The following PTPRN2 variants were observed in gnomAD, a reference collection of about 807,000 sequenced individuals.
PTPRN2 encodes receptor-type tyrosine-protein phosphatase N2.
In PTPRN2, 74 loss-of-function variants were observed where a neutral mutation model predicts 118.8. The ratio of observed to expected loss-of-function variants is 0.62; its 90% CI spans 0.52 to 0.76. The LOEUF is 0.76. Ranked by LOEUF, PTPRN2 falls within the 30% of genes least tolerant of loss-of-function variation. The pLI is 0.00. For synonymous variants in PTPRN2, 641 were observed against 608.0 expected, an observed-to-expected ratio of 1.05 and a Z score of -0.80; for missense variants, 1,481 against 1,394.4, an observed-to-expected ratio of 1.06 and a Z score of -0.99.
intron 12 of PTPRN2, among the ~76,000 whole-genome samples, chr7:157,772,290 AACAC>A (rs1321729706): frequency 1.6e-5 from 2 of 121,416 alleles, no homozygotes; most frequent in Admixed American, 7.8e-5. Context: ...CAGACACACA[AACAC>A]ACAGACATAC....
chr7:158,577,565 G>A (rs1012622319), intron 1 of PTPRN2, among the ~76,000 whole-genome samples: 7 of 126,530 alleles, frequency 5.5e-5, no homozygotes, highest in African/African-American at 1.6e-4. Context: ...CAGCCCTCCC[G>A]AATGCCACAG....
In PTPRN2 at chr7:157,596,441, T is replaced by C. The variant is rs1801344987; in HGVS notation, c.2419-1126A>G. Among the ~76,000 whole-genome samples, 1 of 152,198 alleles carries C rather than the reference T, an allele frequency of 6.6e-6. No homozygotes were observed. The highest frequency in any genetic ancestry group is 2.1e-4 in the South Asian group (1 of 4,828). On this transcript the variant is annotated intron_variant, in intron 16 of 22. Transcript: ENST00000389418. This position sits in a 1 kb window ranked among gnomAD's most constrained non-coding sequence, Gnocchi z 4.2. ...TCTTGCTAGCTCCAATGGGAGAAGG[T>C]TGGCTTAGAAGACCATAATTATTAC...
At chr7:157,947,996 C>A (rs1257857112) in intron 11 of PTPRN2, among the ~76,000 whole-genome samples, 2 of 152,206 alleles carry the variant, frequency 1.3e-5, no homozygotes, top group East Asian at 3.9e-4. Context: ...AAGACATCCC[C>A]TTAGAAGCAA....
intron 11 of PTPRN2, chr7:158,027,915 C>G (rs1028113295): frequency 2.0e-5 from 3 of 152,208 alleles, no homozygotes; most frequent in Admixed American, 6.5e-5. Context: ...CTGGGTTCCC[C>G]CATACCGTCA....
Position 157,869,760 on chromosome 7 carries a change from C to G in PTPRN2, c.1788+28913G>C, listed in dbSNP as rs1810938501. 6.6e-6 allele frequency among the ~76,000 whole-genome samples: 1 copy of G among 152,202 alleles called. No homozygotes were observed. On this transcript the variant is annotated intron_variant, in intron 12 of 22. Transcript: ENST00000389418. This position sits in a 1 kb window ranked among gnomAD's most constrained non-coding sequence, Gnocchi z 4.2. ...GAGAGGAGTGAGCTGAAGCCTTGTC[C>G]TGGTGGAGAAGGGCTCTCTGGTGAA... is the stretch of plus-strand genomic sequence containing the variant.
At chr7:158,276,190 C>A (rs1798949689) in intron 3 of PTPRN2, among the ~76,000 whole-genome samples, 1 of 151,810 alleles carries the variant, frequency 6.6e-6, no homozygotes, top group East Asian at 1.9e-4. Context: ...GCCCTTGAAG[C>A]ACAGCTCCTG....
intron 11 of PTPRN2, among the ~76,000 whole-genome samples, chr7:158,055,933 C>T (rs141551281): frequency 3.5e-3 from 529 of 152,242 alleles, no homozygotes; most frequent in Non-Finnish European, 4.9e-3. Context: ...GGAGAAAAAC[C>T]CACTGACCCT....
intron 10 of PTPRN2, among the ~76,000 whole-genome samples, chr7:158,103,491 T>C (rs1563438553): frequency 6.6e-6 from 1 of 152,242 alleles, no homozygotes; most frequent in Non-Finnish European, 1.5e-5. Context: ...GGAGCAGCGA[T>C]GTCCGAGGCA....
intron 1 of PTPRN2, among the ~76,000 whole-genome samples, chr7:158,578,347 G>T (rs192980167): frequency 1.3e-5 from 2 of 149,624 alleles, no homozygotes; most frequent in East Asian, 2.0e-4. Flanking sequence ...TCAGCAGTTT[G>T]GGAGGACAAG....
chr7:157,844,799 TG>T (rs2151191624), intron 12 of PTPRN2, among the ~76,000 whole-genome samples: 1 of 152,346 alleles, frequency 6.6e-6, no homozygotes, highest in South Asian at 2.1e-4. Flanking sequence ...GGGCGCTGCC[TG>T]CATCTGACGA....
At chr7:158,303,609 C>T (rs1276498086) in intron 3 of PTPRN2, among the ~76,000 whole-genome samples, 3 of 152,106 alleles carry the variant, frequency 2.0e-5, no homozygotes, top group South Asian at 4.1e-4. Flanking sequence ...AAGAAGAAAG[C>T]CATTCATATT....
chr7:157,771,741 G>T (rs368223915), intron 12 of PTPRN2, among the ~76,000 whole-genome samples: 2,181 of 137,958 alleles, frequency 0.016, 70 homozygotes, highest in African/African-American at 0.055. Flanking sequence ...ACAAACAGAC[G>T]CAGATACAGA....
At chr7:157,783,133 C>T (rs559555845) in intron 12 of PTPRN2, among the ~76,000 whole-genome samples, 1 of 152,330 alleles carries the variant, frequency 6.6e-6, no homozygotes, top group Admixed American at 6.5e-5. Flanking sequence ...AACATGTTTG[C>T]TTCCCCTTCT....
chr7:158,054,732 T>C (rs1422203099), intron 11 of PTPRN2, among the ~76,000 whole-genome samples: 1 of 152,192 alleles, frequency 6.6e-6, no homozygotes, highest in Admixed American at 6.5e-5. Flanking sequence ...CCAAACCAAG[T>C]CCTGCCCATA....
chr7:157,641,090 T>A (rs1804638179), intron 14 of PTPRN2, among the ~76,000 whole-genome samples: 1 of 152,110 alleles, frequency 6.6e-6, no homozygotes, highest in Admixed American at 6.5e-5. Flanking sequence ...AACAATACTG[T>A]ATGTGTCAGA....
At chr7:158,189,708 G>A (rs1825611010) in intron 5 of PTPRN2, among the ~76,000 whole-genome samples, 1 of 152,242 alleles carries the variant, frequency 6.6e-6, no homozygotes, top group Non-Finnish European at 1.5e-5. Context: ...CTGCACGTGG[G>A]TTACTTTACT....
chr7:157,572,335 C>A (rs1279577881), intron 19 of PTPRN2, among the ~76,000 whole-genome samples: 2 of 152,142 alleles, frequency 1.3e-5, no homozygotes, highest in Non-Finnish European at 2.9e-5. Flanking sequence ...GGAGAGTGTT[C>A]TACAATGTGC....
In PTPRN2 at chr7:157,927,352, G is replaced by A. The variant is rs1466844752; in HGVS notation, c.1724-28615C>T. 4.1e-3 allele frequency among the ~76,000 whole-genome samples: 321 copies of A among 78,546 alleles called. 3 individuals are homozygous for A. The highest frequency in any genetic ancestry group is 7.2e-3 in the East Asian group (15 of 2,086). 51.5% of individuals were successfully genotyped at this position (78,546 alleles called of 152,430 possible). ...CAGGAAGCCCCAGGGACCCGTCTGA[G>A]AGCAGAGACCTCACGTGTGCTGGGA... is the stretch of plus-strand genomic sequence containing the variant. On this transcript the variant is annotated intron_variant, in intron 11 of 22. Transcript: ENST00000389418.
At chr7:158,120,550 C>T (rs539594800) in intron 9 of PTPRN2, among the ~76,000 whole-genome samples, 1 of 152,182 alleles carries the variant, frequency 6.6e-6, no homozygotes, top group African/African-American at 2.4e-5. Context: ...CTTTCTGCTC[C>T]CTGTCTCCAA....
Sources: gnomAD v4.1 joint callset for allele counts (sites outside exome capture counted in the v4.1 genomes callset) on GRCh38, gnomAD v4.1.1 for gene constraint, Gnocchi (gnomAD v3.1) non-coding constraint, MANE v1.5 for transcripts, NCBI Gene and HGNC (gene_info 2026-07-23, HGNC 2026-07-21) for gene names.